LIMS1: variants seen among roughly 807,000 people sequenced by gnomAD.
LIMS1 encodes LIM and senescent cell antigen-like-containing domain protein 1.
LIMS1 carries 18 observed loss-of-function variants against 44.1 expected under a neutral mutation model. The observed-to-expected ratio is 0.41, with a 90% CI of 0.28 to 0.61. The LOEUF (loss-of-function observed/expected upper bound fraction) is 0.61. Ranked by LOEUF, LIMS1 falls within the 20% of genes least tolerant of loss-of-function variation. The probability of loss-of-function intolerance (pLI) is 0.32; values close to 1 mark genes in which losing one functional copy is unlikely to be tolerated. For synonymous variants in LIMS1, 93 were observed against 149.1 expected, an observed-to-expected ratio of 0.62 and a Z score of 2.74; for missense variants, 201 against 422.0, an observed-to-expected ratio of 0.48 and a Z score of 4.59.
chr2:108,606,774 A>G (rs1013654516), intron 1 of LIMS1, among the ~76,000 whole-genome samples: 5 of 152,204 alleles, frequency 3.3e-5, no homozygotes, highest in African/African-American at 1.2e-4. Context: ...AAATGGGAAT[A>G]TTGTGGGAGT....
At chr2:108,631,866 C>G (rs756983041) in intron 1 of LIMS1, among the ~76,000 whole-genome samples, 2 of 152,190 alleles carry the variant, frequency 1.3e-5, no homozygotes, top group Non-Finnish European at 2.9e-5. Flanking sequence ...AGTAAATCAC[C>G]CAATACCAAC....
intron 1 of LIMS1, among the ~76,000 whole-genome samples, chr2:108,547,263 G>A (rs1231649211): frequency 6.6e-6 from 1 of 152,206 alleles, no homozygotes; most frequent in African/African-American, 2.4e-5. Context: ...CTTAGGGATT[G>A]CTCTGCTGTA....
chr2:108,674,407 G>C (rs1218606765), intron 5 of LIMS1, among the ~76,000 whole-genome samples: 1 of 151,984 alleles, frequency 6.6e-6, no homozygotes, highest in Non-Finnish European at 1.5e-5. Context: ...GGATGGAGAA[G>C]AAACAGTAAG....
chr2:108,662,571 C>T, intron 2 of LIMS1: 1 of 1,171,244 alleles, frequency 8.5e-7, no homozygotes, highest in Non-Finnish European at 1.1e-6. Flanking sequence ...TAAAACCAGC[C>T]CAGGGATGTG....
intron 2 of LIMS1, among the ~76,000 whole-genome samples, chr2:108,660,913 A>T (rs1691317927): frequency 6.8e-6 from 1 of 147,550 alleles, no homozygotes; most frequent in Non-Finnish European, 1.5e-5. Context: ...ATATATGTAT[A>T]TAGAATTATT....
Position 108,598,887 on chromosome 2 carries a change from G to A in LIMS1, c.33-60718G>A, listed in dbSNP as rs956539816. On this transcript the variant is annotated intron_variant, in intron 1 of 9. Coordinates refer to ENST00000544547, the Ensembl canonical transcript of LIMS1. The stretch of plus-strand genomic sequence containing the variant: ...TAGTAATGATATTTTGTTTAAGTTT[G>A]TCCAATATGGTATTTAGTTCTTCCT... 1.1e-4 allele frequency among the ~76,000 whole-genome samples: 16 copies of A among 151,912 alleles called. 1 individual carries two copies. Among genetic ancestry groups the A allele is most frequent in the Admixed American group, 5.9e-4 (9 of 15,246 alleles).
At position 108,644,574 on chromosome 2, in the gene LIMS1, C is replaced by A. The variant is rs560698162; in HGVS notation, c.33-15031C>A. Among the ~76,000 whole-genome samples the A allele has an allele frequency of 1.9e-4, 29 of 152,184 alleles. 1 individual carries two copies. In the South Asian group the frequency reaches 3.5e-3, roughly 18 times the overall value. Reference sequence around the variant, plus strand: ...ACAAAAAGGCTGAAAATTCCAAAAACCAGAACACCTCTTCTCCTCCAAAGG... The same window carrying A: ...ACAAAAAGGCTGAAAATTCCAAAAAACAGAACACCTCTTCTCCTCCAAAGG... On this transcript the variant is annotated intron_variant, in intron 1 of 9. Transcript: ENST00000544547.
At chr2:108,664,108 TTTCTTC>T (rs1691584371) in intron 2 of LIMS1, among the ~76,000 whole-genome samples, 1 of 152,022 alleles carries the variant, frequency 6.6e-6, no homozygotes, top group Non-Finnish European at 1.5e-5. Context: ...TACAAAGAGG[TTTCTTC>T]ACTCATTTAC....
chr2:108,543,589 C>G (rs10171507), intron 1 of LIMS1, among the ~76,000 whole-genome samples: 55,122 of 152,006 alleles, frequency 0.36, 11,872 homozygotes, highest in East Asian at 0.88. Context: ...TAGTAGGAGA[C>G]AAGGGTAATC....
intron 1 of LIMS1, among the ~76,000 whole-genome samples, chr2:108,558,816 G>C (rs1475609830): frequency 1.3e-5 from 2 of 151,730 alleles, no homozygotes; most frequent in African/African-American, 4.8e-5. Context: ...GCCTACAGTT[G>C]TATGCCACCA....
intron 1 of LIMS1, among the ~76,000 whole-genome samples, chr2:108,578,663 A>G (rs1444433903): frequency 7.4e-6 from 1 of 135,150 alleles, no homozygotes; most frequent in Non-Finnish European, 1.5e-5. Context: ...GCACGATCTC[A>G]GCTCACTGCA....
intron 1 of LIMS1, among the ~76,000 whole-genome samples, chr2:108,620,070 T>A (rs1046643043): frequency 3.3e-5 from 5 of 152,222 alleles, no homozygotes; most frequent in African/African-American, 4.8e-5. Context: ...TTATGAAAAG[T>A]CATTTGTTTT....
intron 2 of LIMS1, chr2:108,662,586 C>A: frequency 9.1e-7 from 1 of 1,103,358 alleles, no homozygotes; most frequent in South Asian, 2.1e-5. Context: ...GATGTGTAAA[C>A]CTGCATCTGG....
chr2:108,595,963 G>A (rs1686661898), intron 1 of LIMS1, among the ~76,000 whole-genome samples: 1 of 152,002 alleles, frequency 6.6e-6, no homozygotes, highest in Non-Finnish European at 1.5e-5. Flanking sequence ...TATCTGTGGA[G>A]GGTGGAAGGC....
chr2:108,633,801 G>A (rs1381917462), intron 1 of LIMS1, among the ~76,000 whole-genome samples: 1 of 152,086 alleles, frequency 6.6e-6, no homozygotes, highest in Non-Finnish European at 1.5e-5. Context: ...CTAAAATCAG[G>A]AAAATTAAGT....
intron 2 of LIMS1, chr2:108,662,678 G>A (rs3178265): frequency 0.047 from 43,936 of 939,466 alleles, 1,304 homozygotes; most frequent in South Asian, 0.14. Context: ...TTCACTTTCA[G>A]TTATATCCAG....
intron 1 of LIMS1, among the ~76,000 whole-genome samples, chr2:108,536,738 G>A (rs1053745680): frequency 4.6e-5 from 7 of 152,060 alleles, no homozygotes; most frequent in African/African-American, 1.7e-4. Flanking sequence ...ACGCCACCAT[G>A]CCTGGATAAT....
chr2:108,619,029 C>T (rs1260573613), intron 1 of LIMS1, among the ~76,000 whole-genome samples: 2 of 152,008 alleles, frequency 1.3e-5, no homozygotes, highest in Non-Finnish European at 1.5e-5. Flanking sequence ...GTCCCTGTTA[C>T]TGCTCTCCCC....
At chr2:108,669,081 A>G (rs1356064270) in intron 2 of LIMS1, among the ~76,000 whole-genome samples, 1 of 152,234 alleles carries the variant, frequency 6.6e-6, no homozygotes, top group Non-Finnish European at 1.5e-5. Flanking sequence ...ACAAAAAGAT[A>G]CATTAAATAT....
Sources: allele counts gnomAD v4.1 joint callset (sites outside exome capture counted in the v4.1 genomes callset), GRCh38; gene constraint gnomAD v4.1.1; transcripts MANE v1.5; gene names NCBI Gene and HGNC (gene_info 2026-07-23, HGNC 2026-07-21).